Variants in GRIN3A observed in about 807,000 individuals in gnomAD.
The protein encoded by GRIN3A is glutamate ionotropic receptor NMDA type subunit 3A.
GRIN3A carries 47 observed loss-of-function variants against 92.4 expected under a neutral mutation model. The observed-to-expected ratio is 0.51, with a 90% CI of 0.40 to 0.65. The LOEUF is 0.65. Among genes scored for constraint, GRIN3A ranks in the 30% least tolerant of loss-of-function variants. The pLI, the probability that GRIN3A is intolerant of heterozygous loss-of-function variation, is 0.00. For synonymous variants in GRIN3A, 527 were observed against 540.6 expected (o/e 0.97, Z 0.35); for missense variants, 1,324 against 1,393.1 (o/e 0.95, Z 0.79).
Position 101,649,731 on chromosome 9 carries a change from T to C in GRIN3A, c.2352+20329A>G, listed in dbSNP as rs537693672. Among the ~76,000 whole-genome samples the C allele has an allele frequency of 2.6e-5, 4 of 152,158 alleles. No homozygotes were observed. The East Asian group carries it at 7.8e-4, about 30-fold the overall frequency. On this transcript the variant is annotated intron_variant, in intron 3 of 8. Transcript: ENST00000361820. ...CTTGTTTTTGAATAGTTTCTAGCTGTATTTTTGTTGGGAGAGTTTTGCTGG... is the reference window on the plus strand; with the variant it reads ...CTTGTTTTTGAATAGTTTCTAGCTGCATTTTTGTTGGGAGAGTTTTGCTGG...
intron 1 of GRIN3A, among the ~76,000 whole-genome samples, chr9:101,690,097 C>T (rs1829595980): frequency 6.6e-6 from 1 of 151,936 alleles, no homozygotes; most frequent in Admixed American, 6.6e-5. Context: ...TTAAAATAAA[C>T]AGGCTCAGAA....
intron 1 of GRIN3A, among the ~76,000 whole-genome samples, chr9:101,721,578 G>A (rs1028358660): frequency 6.6e-6 from 1 of 152,154 alleles, no homozygotes; most frequent in Non-Finnish European, 1.5e-5. Flanking sequence ...ACCTCCTAGA[G>A]AGTTGTTGAA....
rs1827729584 is a variant in GRIN3A, at chr9:101,569,378, C to G, written c.*3796G>C. On this transcript the variant is annotated 3_prime_UTR_variant, in exon 9 of 9. Coordinates refer to ENST00000361820, the MANE Select transcript of GRIN3A (RefSeq NM_133445.3). Reference sequence around the variant, plus strand: ...GAAGTTTCTATCTGAACATTTATTCCACAGTCATAGAAACTGAAGATGGAA... The same window carrying G: ...GAAGTTTCTATCTGAACATTTATTCGACAGTCATAGAAACTGAAGATGGAA... 6.6e-6 allele frequency: 1 copy of G among 152,144 alleles called. No homozygotes were observed. Among genetic ancestry groups the G allele is most frequent in the Non-Finnish European group, 1.5e-5 (1 of 68,042 alleles). 9.4% of individuals were successfully genotyped at this position (152,144 alleles called of 1,614,324 possible).
chr9:101,623,430 A>G lies in GRIN3A; in HGVS notation c.2502T>C (p.Asn834=), dbSNP rs10989564. 0.46 allele frequency: 735,253 copies of G among 1,588,484 alleles called. 171,644 individuals are homozygous for G. The highest frequency in any genetic ancestry group is 0.57 in the African/African-American group (42,435 of 74,470). The change falls in exon 5 of 9, where the codon AAT becomes AAC. Residue 834 remains asparagine (N), a synonymous_variant. Transcript: ENST00000361820. ...ATPDGVEYLK[N]DPEKLDAFIM... ...TGAAGGCGTCTAGTTTCTCTGGATC[A>G]TTCCTATATTTAAGACCAGAGGAGA...
intron 8 of GRIN3A, among the ~76,000 whole-genome samples, chr9:101,576,971 T>A (rs62575846): frequency 6.6e-6 from 1 of 152,078 alleles, no homozygotes; most frequent in Non-Finnish European, 1.5e-5. Flanking sequence ...ATCAGTAGGG[T>A]TGCCTTAGGC....
At chr9:101,668,110 C>T (rs1173633970) in intron 3 of GRIN3A, among the ~76,000 whole-genome samples, 1 of 152,080 alleles carries the variant, frequency 6.6e-6, no homozygotes, top group Non-Finnish European at 1.5e-5. Context: ...AAAAATTTCA[C>T]TCTTTATTCT....
intron 6 of GRIN3A, among the ~76,000 whole-genome samples, chr9:101,588,919 A>T (rs1827984153): frequency 6.6e-6 from 1 of 152,020 alleles, no homozygotes; most frequent in East Asian, 1.9e-4. Context: ...TAAATATTAT[A>T]ATTTATGGTA....
chr9:101,679,979 G>A (rs1249955505), intron 2 of GRIN3A, among the ~76,000 whole-genome samples: 1 of 152,162 alleles, frequency 6.6e-6, no homozygotes. Context: ...AAATTAAAAA[G>A]TAATAGGATC....
At chr9:101,677,644 G>GTAACTTGATGGCTTTCTGTAACTTGA (rs1829415990) in intron 2 of GRIN3A, among the ~76,000 whole-genome samples, 1 of 151,848 alleles carries the variant, frequency 6.6e-6, no homozygotes, top group Non-Finnish European at 1.5e-5. Context: ...TTGATGGCGA[G>GTAACTTGATGGCTTTCTGTAACTTGA]TTGTTACTAG....
intron 6 of GRIN3A, among the ~76,000 whole-genome samples, chr9:101,597,507 T>G (rs1828152362): frequency 6.6e-6 from 1 of 152,206 alleles, no homozygotes; most frequent in South Asian, 2.1e-4. Context: ...CCACAGATCC[T>G]GCTATAGTTA....
chr9:101,697,548 T>G (rs1156407752), intron 1 of GRIN3A, among the ~76,000 whole-genome samples: 1 of 152,224 alleles, frequency 6.6e-6, no homozygotes, highest in Admixed American at 6.5e-5. Context: ...TGGCTACTTT[T>G]CAAATATAAC....
rs1290766724 is a variant in GRIN3A at position 101,686,983 on chromosome 9, T to G, written c.917A>C (p.Asp306Ala). 14 of 1,614,036 alleles carry G rather than the reference T, an allele frequency of 8.7e-6. No individual in the cohort carries two copies. Among genetic ancestry groups the G allele is most frequent in the African/African-American group, 4.0e-5 (3 of 74,914 alleles). Residue 306 changes from aspartate (D) to alanine (A), a missense_variant, in exon 2 of 9, where the codon GAC (aspartate) becomes GCC (alanine). Transcript: ENST00000361820. ...NITANLPSTQ[D>A]LLSFLQIQLE... ...CTGGATCTGTAGGAAGCTCAAGAGG[T>G]CCTGGGTGGAGGGGAGGTTAGCGGT...
chr9:101,724,059 G>A (rs1830050256), intron 1 of GRIN3A, among the ~76,000 whole-genome samples: 1 of 152,214 alleles, frequency 6.6e-6, no homozygotes, highest in Non-Finnish European at 1.5e-5. Context: ...TCACCCAGTG[G>A]ATCCTGCACC....
intron 5 of GRIN3A, 112 bp downstream of exon 5, chr9:101,623,206 A>G (rs2118869325): frequency 2.5e-5 from 19 of 757,550 alleles, no homozygotes; most frequent in South Asian, 2.3e-4. Flanking sequence ...TGAAAATGAA[A>G]ACGAGGGAAG....
At chr9:101,644,522 G>T (rs1342055831) in intron 3 of GRIN3A, among the ~76,000 whole-genome samples, 2 of 150,610 alleles carry the variant, frequency 1.3e-5, no homozygotes, top group Admixed American at 6.6e-5. Flanking sequence ...AGGTAAAATG[G>T]AATGAAAATA....
intron 1 of GRIN3A, among the ~76,000 whole-genome samples, chr9:101,719,214 T>G (rs1829980423): frequency 6.6e-6 from 1 of 152,056 alleles, no homozygotes; most frequent in Admixed American, 6.6e-5. Context: ...GTCAGGAGTT[T>G]GAGACCAGCC....
At chr9:101,621,111 C>A (rs1373198060) in intron 5 of GRIN3A, among the ~76,000 whole-genome samples, 1 of 151,816 alleles carries the variant, frequency 6.6e-6, no homozygotes, top group Non-Finnish European at 1.5e-5. Context: ...ATGGTGAAAT[C>A]CTGTCTCTAC....
intron 5 of GRIN3A, among the ~76,000 whole-genome samples, chr9:101,619,981 C>A (rs925164266): frequency 2.6e-5 from 4 of 152,166 alleles, no homozygotes; most frequent in African/African-American, 9.7e-5. Flanking sequence ...ATACTGCGTA[C>A]CGATGAGTAC....
intron 1 of GRIN3A, among the ~76,000 whole-genome samples, chr9:101,720,480 A>G (rs1373618717): frequency 6.6e-6 from 1 of 152,124 alleles, no homozygotes; most frequent in African/African-American, 2.4e-5. Flanking sequence ...CCGACTCCAT[A>G]TCCCCTTGGT....
Sources: allele counts gnomAD v4.1 joint callset (sites outside exome capture counted in the v4.1 genomes callset), GRCh38; gene constraint gnomAD v4.1.1; transcripts MANE v1.5; gene names NCBI Gene and HGNC (gene_info 2026-07-23, HGNC 2026-07-21).